The following UBE2E2 variants were observed in gnomAD, a reference collection of about 807,000 sequenced individuals.
The protein encoded by UBE2E2 is ubiquitin conjugating enzyme E2 E2.
UBE2E2 carries 6 observed loss-of-function variants against 24.7 expected under a neutral mutation model. The observed-to-expected ratio is 0.24, with a 90% CI of 0.13 to 0.48. The LOEUF is 0.48. UBE2E2 is among the 20% of genes least tolerant of loss of function. UBE2E2 has a pLI of 0.99. For synonymous variants in UBE2E2, 104 were observed against 83.6 expected (o/e 1.24, Z -1.33); for missense variants, 169 against 245.0 (o/e 0.69, Z 2.07).
At chr3:23,301,729 C>T (rs984384618) in intron 3 of UBE2E2, among the ~76,000 whole-genome samples, 1 of 152,166 alleles carries the variant, frequency 6.6e-6, no homozygotes, top group Non-Finnish European at 1.5e-5. Context: ...ACTTGGGGGT[C>T]AGGGACCCAC....
At chr3:23,469,345 T>C (rs2125432616) in intron 3 of UBE2E2, among the ~76,000 whole-genome samples, 1 of 152,332 alleles carries the variant, frequency 6.6e-6, no homozygotes, top group South Asian at 2.1e-4. Flanking sequence ...AGATAAAGAA[T>C]GGATATTGTT....
chr3:23,333,010 A>T (rs1461743239), intron 3 of UBE2E2, among the ~76,000 whole-genome samples: 1 of 152,206 alleles, frequency 6.6e-6, no homozygotes, highest in Admixed American at 6.5e-5. Context: ...TGTGAAAATT[A>T]CTAGGAAAAG....
At chr3:23,497,504 T>C (rs1350786255) in intron 3 of UBE2E2, among the ~76,000 whole-genome samples, 1 of 152,236 alleles carries the variant, frequency 6.6e-6, no homozygotes, top group Non-Finnish European at 1.5e-5. Flanking sequence ...TGTATTATAG[T>C]TACTTTTATG....
At chr3:23,273,961 A>T (rs1163836760) in intron 3 of UBE2E2, 1 of 152,268 alleles carries the variant, frequency 6.6e-6, no homozygotes, top group African/African-American at 2.4e-5. Context: ...GATGTTAACA[A>T]ACTTGATTCT....
intron 5 of UBE2E2, among the ~76,000 whole-genome samples, chr3:23,573,825 A>G (rs758030060): frequency 1.3e-5 from 2 of 152,120 alleles, no homozygotes; most frequent in African/African-American, 4.8e-5. Flanking sequence ...CTATTCATGG[A>G]GATTGTGCTA....
intron 3 of UBE2E2, among the ~76,000 whole-genome samples, chr3:23,372,902 G>A (rs1320836053): frequency 6.6e-6 from 1 of 152,106 alleles, no homozygotes; most frequent in African/African-American, 2.4e-5. Context: ...TACTTCTTTT[G>A]TCTCTCCCAC....
At chr3:23,240,693 G>T (rs1043354674) in intron 3 of UBE2E2, among the ~76,000 whole-genome samples, 4 of 152,172 alleles carry the variant, frequency 2.6e-5, no homozygotes. Flanking sequence ...GATGAATTAA[G>T]CCCTTTGTAT....
chr3:23,251,032 G>A (rs925169356), intron 3 of UBE2E2, among the ~76,000 whole-genome samples: 2 of 152,096 alleles, frequency 1.3e-5, no homozygotes, highest in African/African-American at 4.8e-5. Context: ...ATTAAAAAAA[G>A]ATTATTTGTA....
intron 3 of UBE2E2, among the ~76,000 whole-genome samples, chr3:23,347,577 T>C (rs1695599953): frequency 6.6e-6 from 1 of 152,052 alleles, no homozygotes; most frequent in Non-Finnish European, 1.5e-5. Flanking sequence ...GGGGGAGGGA[T>C]AGCATTAGGA....
chr3:23,359,094 T>C (rs1696044143), intron 3 of UBE2E2, among the ~76,000 whole-genome samples: 1 of 152,190 alleles, frequency 6.6e-6, no homozygotes, highest in Non-Finnish European at 1.5e-5. Context: ...ATTCAACTAT[T>C]CAACATCATG....
chr3:23,358,648 AC>A (rs1308892943), intron 3 of UBE2E2, among the ~76,000 whole-genome samples: 1 of 152,244 alleles, frequency 6.6e-6, no homozygotes, highest in Non-Finnish European at 1.5e-5. Context: ...TATGGTTAAA[AC>A]AATCATGCTT....
intron 4 of UBE2E2, among the ~76,000 whole-genome samples, chr3:23,506,754 C>G (rs1199688200): frequency 1.3e-5 from 2 of 152,172 alleles, no homozygotes; most frequent in African/African-American, 4.8e-5. Context: ...CCACCCCAGC[C>G]TCCCAAATGG....
intron 3 of UBE2E2, among the ~76,000 whole-genome samples, chr3:23,311,051 C>A (rs1694371873): frequency 6.6e-6 from 1 of 152,142 alleles, no homozygotes; most frequent in South Asian, 2.1e-4. Flanking sequence ...TGTTCCCCTT[C>A]CTGTGTCCAG....
chr3:23,470,489 T>G (rs577547393), intron 3 of UBE2E2, among the ~76,000 whole-genome samples: 1 of 152,362 alleles, frequency 6.6e-6, no homozygotes, highest in African/African-American at 2.4e-5. Context: ...GTTGTTATTT[T>G]GAACATCTTA....
chr3:23,381,521 T>A (rs1006167227), intron 3 of UBE2E2, among the ~76,000 whole-genome samples: 18 of 152,324 alleles, frequency 1.2e-4, no homozygotes, highest in Admixed American at 1.2e-3. Context: ...GGGTGTGTGT[T>A]AGTCATTCTG....
chr3:23,346,322 G>GTA (rs1446341194), intron 3 of UBE2E2, among the ~76,000 whole-genome samples: 10 of 152,140 alleles, frequency 6.6e-5, no homozygotes, highest in Admixed American at 3.9e-4. Context: ...GATAGTAAAA[G>GTA]ATTAGTACCT....
intron 3 of UBE2E2, among the ~76,000 whole-genome samples, chr3:23,227,598 C>G (rs1696861689): frequency 6.6e-6 from 1 of 152,120 alleles, no homozygotes; most frequent in South Asian, 2.1e-4. Context: ...ATTTTTAATT[C>G]AATCCTGTGA....
chr3:23,272,718 A>G lies in UBE2E2; in HGVS notation c.227+55406A>G, dbSNP rs139830538. ...TGAGTGTAAGGAATTGGCTCATGCA[A>G]TTATGGAGACCAAGTGCCAAGATAT... On this transcript the variant is annotated intron_variant, in intron 3 of 5. Transcript: ENST00000396703. Among the ~76,000 whole-genome samples, 1,135 of 152,230 alleles carry G rather than the reference A, an allele frequency of 7.5e-3. 12 individuals are homozygous for G. The highest frequency in any genetic ancestry group is 0.025 in the African/African-American group (1,058 of 41,550).
At chr3:23,571,907 A>C (rs1696241235) in intron 5 of UBE2E2, among the ~76,000 whole-genome samples, 1 of 152,206 alleles carries the variant, frequency 6.6e-6, no homozygotes, top group Admixed American at 6.5e-5. Flanking sequence ...GTAGTAGCTC[A>C]GTATTCCCAC....
Sources: allele counts gnomAD v4.1 joint callset (sites outside exome capture counted in the v4.1 genomes callset), GRCh38; gene constraint gnomAD v4.1.1; transcripts MANE v1.5; gene names NCBI Gene and HGNC (gene_info 2026-07-23, HGNC 2026-07-21).